The following OXR1 variants were observed in gnomAD, a reference collection of about 807,000 sequenced individuals.
OXR1 encodes the protein oxidation resistance protein 1.
OXR1 carries 41 observed loss-of-function variants against 104.6 expected under a neutral mutation model. That is an observed-to-expected ratio of 0.39 (90% confidence interval 0.31 to 0.51). The LOEUF (loss-of-function observed/expected upper bound fraction) is 0.51, where lower values mean the gene tolerates loss of function less well. OXR1 is among the 20% of genes least tolerant of loss of function. The pLI, the probability that OXR1 is intolerant of heterozygous loss-of-function variation, is 0.77. For synonymous variants in OXR1, 348 were observed against 348.4 expected (o/e 1.00, Z 0.01); for missense variants, 955 against 1,031.9 (o/e 0.93, Z 1.02).
Position 106,462,789 on chromosome 8 carries a change from T to A in OXR1, c.24-56154T>A, listed in dbSNP as rs889943879. ...GCATTCACTTCCCTGAACCACATTT[T>A]TTCTCATGTGTTCAAGAGAACAAAT... On this transcript the variant is annotated intron_variant, in intron 2 of 16. Transcript: ENST00000517566. 2.7e-5 allele frequency among the ~76,000 whole-genome samples: 4 copies of A among 147,930 alleles called. No homozygotes were observed. The East Asian group carries it at 9.6e-4, about 36-fold the overall frequency.
intron 2 of OXR1, among the ~76,000 whole-genome samples, chr8:106,362,136 A>G (rs1459831789): frequency 2.6e-5 from 4 of 152,150 alleles, no homozygotes; most frequent in African/African-American, 9.7e-5. Context: ...GTTTGCCCCG[A>G]TGATTCTGAG....
chr8:106,663,963 C>T (rs951804313), intron 3 of OXR1, among the ~76,000 whole-genome samples: 3 of 152,114 alleles, frequency 2.0e-5, no homozygotes, highest in African/African-American at 7.2e-5. Flanking sequence ...CACCACAAAA[C>T]AAAAAACTCA....
intron 2 of OXR1, among the ~76,000 whole-genome samples, chr8:106,443,624 G>C (rs2130594892): frequency 6.6e-6 from 1 of 152,222 alleles, no homozygotes. Flanking sequence ...AGTATAATTA[G>C]CTTTTCTTGT....
chr8:106,356,552 T>C (rs963787852), intron 1 of OXR1, among the ~76,000 whole-genome samples: 1 of 152,162 alleles, frequency 6.6e-6, no homozygotes, highest in African/African-American at 2.4e-5. Context: ...GTATTATTTT[T>C]ACATTCTGCA....
intron 3 of OXR1, among the ~76,000 whole-genome samples, chr8:106,526,463 G>A (rs939086173): frequency 1.3e-5 from 2 of 152,236 alleles, no homozygotes; most frequent in South Asian, 2.1e-4. Flanking sequence ...AATAAGGAGT[G>A]TGGATTAAGC....
At chr8:106,379,466 C>A (rs1169743685) in intron 2 of OXR1, among the ~76,000 whole-genome samples, 1 of 151,310 alleles carries the variant, frequency 6.6e-6, no homozygotes, top group Non-Finnish European at 1.5e-5. Context: ...GATATAAACA[C>A]TGGACCAATT....
intron 2 of OXR1, among the ~76,000 whole-genome samples, chr8:106,407,278 T>G (rs1409599092): frequency 6.6e-6 from 1 of 152,210 alleles, no homozygotes; most frequent in African/African-American, 2.4e-5. Context: ...AGTGTAATAA[T>G]GCTGGGATTT....
intron 2 of OXR1, among the ~76,000 whole-genome samples, chr8:106,488,979 A>G (rs1235023439): frequency 6.7e-6 from 1 of 150,322 alleles, no homozygotes; most frequent in Non-Finnish European, 1.5e-5. Context: ...TGGTAGCTTG[A>G]TAGGGATGGC....
At chr8:106,664,032 G>C (rs747810174) in intron 3 of OXR1, among the ~76,000 whole-genome samples, 3 of 152,180 alleles carry the variant, frequency 2.0e-5, no homozygotes, top group African/African-American at 7.2e-5. Context: ...TCCTAAAGCC[G>C]GATGGGAGGA....
At chr8:106,551,860 ATGTGTGTGTGTGTGTGTGTGTGTGTGTG>A (rs71307068) in intron 3 of OXR1, among the ~76,000 whole-genome samples, 1 of 126,576 alleles carries the variant, frequency 7.9e-6, no homozygotes, top group Non-Finnish European at 1.6e-5. Flanking sequence ...GTGTATATAT[ATGTGTGTGTGTGTGTGTGTGTGTGTGTG>A]TGTGTGTGTG....
chr8:106,443,104 T>C (rs1387331852), intron 2 of OXR1, among the ~76,000 whole-genome samples: 3 of 152,174 alleles, frequency 2.0e-5, no homozygotes, highest in Non-Finnish European at 2.9e-5. Flanking sequence ...TGGTACGTTG[T>C]ATCTTTGTTC....
intron 6 of OXR1, among the ~76,000 whole-genome samples, chr8:106,691,619 CAT>C (rs35095319): frequency 0.63 from 88,956 of 140,856 alleles, 27,827 homozygotes; most frequent in Admixed American, 0.66. Flanking sequence ...CATATATATA[CAT>C]ATATATATAT....
intron 8 of OXR1, among the ~76,000 whole-genome samples, chr8:106,704,617 C>T (rs1256731712): frequency 2.0e-5 from 3 of 151,736 alleles, no homozygotes; most frequent in Non-Finnish European, 4.4e-5. Flanking sequence ...AGGTTGGTCT[C>T]GAACCCCTGA....
At chr8:106,354,528 GT>G (rs1221531768) in intron 1 of OXR1, among the ~76,000 whole-genome samples, 1 of 152,042 alleles carries the variant, frequency 6.6e-6, no homozygotes, top group Non-Finnish European at 1.5e-5. Context: ...ATAATGTTTA[GT>G]ATCCCCTTTG....
At chr8:106,564,392 G>C (rs901973115) in intron 3 of OXR1, among the ~76,000 whole-genome samples, 4 of 151,934 alleles carry the variant, frequency 2.6e-5, no homozygotes, top group African/African-American at 9.7e-5. Flanking sequence ...AGAAGAAATT[G>C]ATAAATTCCT....
chr8:106,424,551 C>T lies in OXR1; in HGVS notation c.23+64915C>T, dbSNP rs532934683. ...CATTTTGGTCATACTTAGATTGTTT[C>T]TAATTTTTCACTTTTAGAAGAGCAC... On this transcript the variant is annotated intron_variant, in intron 2 of 16. Transcript: ENST00000517566. 9.2e-5 allele frequency among the ~76,000 whole-genome samples: 14 copies of T among 152,120 alleles called. No homozygotes were observed. In the South Asian group the frequency reaches 2.9e-3, roughly 32 times the overall value.
intron 3 of OXR1, among the ~76,000 whole-genome samples, chr8:106,543,420 G>A (rs1308859981): frequency 6.6e-6 from 1 of 152,070 alleles, no homozygotes. Context: ...TGTAGAAATT[G>A]TGTCATTCTT....
intron 3 of OXR1, among the ~76,000 whole-genome samples, chr8:106,640,342 GTA>G (rs1823522132): frequency 6.7e-6 from 1 of 150,304 alleles, no homozygotes; most frequent in Non-Finnish European, 1.5e-5. Flanking sequence ...TTGCATATTT[GTA>G]TATAGATGTA....
chr8:106,700,220 A>T (rs1282524283), intron 7 of OXR1, among the ~76,000 whole-genome samples: 1 of 152,206 alleles, frequency 6.6e-6, no homozygotes, highest in African/African-American at 2.4e-5. Context: ...TAATAGTCTT[A>T]ATATAATCCT....
Sources: allele counts gnomAD v4.1 joint callset (sites outside exome capture counted in the v4.1 genomes callset), GRCh38; gene constraint gnomAD v4.1.1; transcripts MANE v1.5; gene names NCBI Gene and HGNC (gene_info 2026-07-23, HGNC 2026-07-21).